Variants in AHCTF1 observed in about 807,000 individuals in gnomAD.
The protein encoded by AHCTF1 is AT-hook containing transcription factor 1.
AHCTF1 carries 24 observed loss-of-function variants against 248.4 expected under a neutral mutation model. The ratio of observed to expected loss-of-function variants is 0.10; its 90% CI spans 0.07 to 0.14. AHCTF1 has a LOEUF of 0.14. AHCTF1 is among the 10% of genes least tolerant of loss of function. AHCTF1 has a pLI of 1.00. For synonymous variants in AHCTF1, 786 were observed against 929.8 expected (o/e 0.85, Z 2.81); for missense variants, 2,206 against 2,636.2 (o/e 0.84, Z 3.57).
intron 1 of AHCTF1, chr1:246,931,003 A>C: frequency 7.5e-7 from 1 of 1,340,940 alleles, no homozygotes. Context: ...CCCAGGTAGG[A>C]AAAAGGAAGG....
intron 8 of AHCTF1, among the ~76,000 whole-genome samples, chr1:246,901,613 CAAAAAAACAAAACAA>C (rs752173216): frequency 9.0e-4 from 135 of 150,712 alleles, no homozygotes; most frequent in Non-Finnish European, 1.5e-3. Context: ...GACTCCATCT[CAAAAAAACAAAACAA>C]AAAAAAACAA....
In AHCTF1 at chr1:246,857,800, C is replaced by T. The variant is rs1446521303; in HGVS notation, c.4147G>A (p.Ala1383Thr). The T allele has an allele frequency of 6.2e-7, 1 of 1,611,604 alleles. No homozygotes were observed. The highest frequency in any genetic ancestry group is 8.5e-7 in the Non-Finnish European group (1 of 1,178,178). ...LQKQMGNLED[A>T]ETKDLLVAAE... ...GCAACTAAGAGATCCTTTGTTTCTG[C>T]ATCTTCTAAATTGCCTATAAGTCAT... is the stretch of plus-strand genomic sequence containing the variant. The change falls in exon 30 of 36, where the codon GCA becomes ACA. Residue 1383 changes from alanine to threonine, a missense_variant. Transcript: ENST00000648844.
In AHCTF1 at chr1:246,887,702, TC is replaced by T. The variant is rs1663925009; in HGVS notation, c.2326-346del. 3.9e-5 allele frequency among the ~76,000 whole-genome samples: 6 copies of T among 152,184 alleles called. No individual in the cohort carries two copies. In the South Asian group the frequency reaches 1.2e-3, roughly 32 times the overall value. Reference sequence around the variant, plus strand: ...AAGATGGCAGCTTAATCAAACATCATCTAGCTTATAAATTATAAATGGAATT... The same window carrying T: ...AAGATGGCAGCTTAATCAAACATCATTAGCTTATAAATTATAAATGGAATT... On this transcript the variant is annotated intron_variant, in intron 19 of 35. Transcript: ENST00000648844.
rs12072424 is a variant in AHCTF1 at position 246,858,812 on chromosome 1, A to T, written c.4133-998T>A. Among the ~76,000 whole-genome samples, 947 of 151,488 alleles carry T rather than the reference A, an allele frequency of 6.3e-3. 19 individuals carry two copies. Among genetic ancestry groups the T allele is most frequent in the Admixed American group, 0.041 (629 of 15,224 alleles). On this transcript the variant is annotated intron_variant, in intron 29 of 35. Transcript: ENST00000648844. ...GAAACTCTGTCTCAAAAAAAAAAAA[A>T]AATAAATACAAATTTCTATTTGAGA...
At chr1:246,873,364 A>G (rs1230252455) in intron 24 of AHCTF1, among the ~76,000 whole-genome samples, 2 of 152,194 alleles carry the variant, frequency 1.3e-5, no homozygotes, top group East Asian at 3.8e-4. Flanking sequence ...TCACTAGTCA[A>G]TTTCTCCTGC....
At chr1:246,847,297 A>C (rs111707702) in intron 33 of AHCTF1, among the ~76,000 whole-genome samples, 26,612 of 135,976 alleles carry the variant, frequency 0.2, 4,068 homozygotes, top group African/African-American at 0.48. Context: ...CTCAAAAAAA[A>C]AAAACAAACA....
At chr1:246,922,818 T>C (rs1454709122) in intron 1 of AHCTF1, among the ~76,000 whole-genome samples, 4 of 149,954 alleles carry the variant, frequency 2.7e-5, no homozygotes, top group Non-Finnish European at 3.0e-5. Flanking sequence ...CTGTCTCTAC[T>C]AAAAATACAA....
In AHCTF1 at chr1:246,922,853, G is replaced by C. The variant is rs1334383044; in HGVS notation, c.-7-4476C>G. Among the ~76,000 whole-genome samples the C allele has an allele frequency of 3.3e-5, 5 of 150,550 alleles. No homozygotes were observed. The South Asian group carries it at 8.4e-4, about 25-fold the overall frequency. On this transcript the variant is annotated intron_variant, in intron 1 of 35. Transcript: ENST00000648844. ...AAAAAAATAGCCGGGCGTGGTGGCA[G>C]GCGCCTGTAGTCCCAGCTACTCGGG... is the stretch of plus-strand genomic sequence containing the variant.
intron 19 of AHCTF1, 73 bp downstream of exon 19, chr1:246,888,104 C>G: frequency 1.3e-6 from 2 of 1,509,230 alleles, no homozygotes; most frequent in Non-Finnish European, 1.8e-6. Context: ...TTAGATATGT[C>G]AGGTTTCCAC....
intron 27 of AHCTF1, among the ~76,000 whole-genome samples, chr1:246,863,342 A>G (rs765076053): frequency 1.3e-4 from 19 of 151,914 alleles, no homozygotes; most frequent in Non-Finnish European, 2.2e-4. Flanking sequence ...AATCCAGAAC[A>G]TTAGTCAAGG....
chr1:246,866,713 C>CT lies in AHCTF1; in HGVS notation c.3347+530dup, dbSNP rs1234907775. 9.2e-5 allele frequency among the ~76,000 whole-genome samples: 14 copies of CT among 152,282 alleles called. No homozygotes were observed. The East Asian group carries it at 2.7e-3, about 29-fold the overall frequency. ...GAATCAATACATGAAGAGACATACT[C>CT]TGTTCTCTGTGGTACATAATTATGA... is the stretch of plus-strand genomic sequence containing the variant. On this transcript the variant is annotated intron_variant, in intron 26 of 35. Coordinates refer to ENST00000648844, the MANE Select transcript of AHCTF1 (RefSeq NM_001323342.2).
chr1:246,929,923 G>A (rs1054603374), intron 1 of AHCTF1, among the ~76,000 whole-genome samples: 8 of 151,966 alleles, frequency 5.3e-5, no homozygotes, highest in East Asian at 3.9e-4. Context: ...GTGGTGGCGT[G>A]CGCCTGTAAT....
At chr1:246,875,300 G>A (rs1662858480) in intron 24 of AHCTF1, among the ~76,000 whole-genome samples, 1 of 151,796 alleles carries the variant, frequency 6.6e-6, no homozygotes, top group African/African-American at 2.4e-5. Flanking sequence ...AAACCCTCCT[G>A]TCACCTTCCC....
intron 24 of AHCTF1, among the ~76,000 whole-genome samples, chr1:246,874,115 TTA>T (rs2103099426): frequency 6.6e-6 from 1 of 152,184 alleles, no homozygotes; most frequent in South Asian, 2.1e-4. Context: ...TTTTTTAATA[TTA>T]GAGACAACCC....
intron 1 of AHCTF1, among the ~76,000 whole-genome samples, chr1:246,922,537 G>A (rs1273949965): frequency 6.0e-5 from 9 of 150,962 alleles, no homozygotes; most frequent in Admixed American, 4.6e-4. Context: ...GCAATCTCTC[G>A]TCTCGTGCCA....
intron 11 of AHCTF1, 98 bp from the exon 12 acceptor site, chr1:246,898,434 A>G (rs1664756023): frequency 7.8e-7 from 1 of 1,286,650 alleles, no homozygotes; most frequent in South Asian, 1.4e-5. Context: ...TAAAATTTAA[A>G]GATAGCAAGT....
intron 19 of AHCTF1, 118 bp from the exon 20 acceptor site, chr1:246,887,475 G>C: frequency 9.4e-7 from 1 of 1,060,486 alleles, no homozygotes; most frequent in South Asian, 1.7e-5. Context: ...CCTGTTTTTA[G>C]TGTTTAGAAA....
intron 5 of AHCTF1, among the ~76,000 whole-genome samples, chr1:246,907,252 T>C (rs1203757086): frequency 6.6e-6 from 1 of 152,234 alleles, no homozygotes; most frequent in East Asian, 1.9e-4. Context: ...AGGACTGTTG[T>C]TGACCAAAAC....
At position 246,918,396 on chromosome 1, in the gene AHCTF1, G is replaced by C; in HGVS notation, c.-7-19C>G. On this transcript the variant is annotated intron_variant, in intron 1 of 35. Transcript: ENST00000648844. ...ACTTCCACTGTAAATATTTTTAAAA[G>C]AAAACATTATTATGACACATTTGTA... 6.3e-7 allele frequency: 1 copy of C among 1,596,114 alleles called. No homozygotes were observed. Among genetic ancestry groups the C allele is most frequent in the Non-Finnish European group, 8.5e-7 (1 of 1,171,256 alleles).
Sources: allele counts gnomAD v4.1 joint callset (sites outside exome capture counted in the v4.1 genomes callset), GRCh38; gene constraint gnomAD v4.1.1; transcripts MANE v1.5; gene names NCBI Gene and HGNC (gene_info 2026-07-23, HGNC 2026-07-21).